The following STX8 variants were observed in gnomAD, a reference collection of about 807,000 sequenced individuals.
STX8 encodes syntaxin-8.
STX8 carries 23 observed loss-of-function variants against 37.5 expected under a neutral mutation model. That is an observed-to-expected ratio of 0.61 (90% CI 0.44 to 0.87). STX8 has a LOEUF of 0.87. Ranked by LOEUF, STX8 falls within the 40% of genes least tolerant of loss-of-function variation. The pLI is 0.00. For missense variants in STX8, 313 were observed against 284.7 expected (o/e 1.10, Z -0.71); for synonymous variants, 115 against 99.1 (o/e 1.16, Z -0.95).
chr17:9,388,589 A>C (rs1366932832), intron 6 of STX8, among the ~76,000 whole-genome samples: 1 of 151,404 alleles, frequency 6.6e-6, no homozygotes, highest in Admixed American at 6.6e-5. Context: ...GGATCACCTG[A>C]GGTCGGGAGT....
chr17:9,463,344 T>G (rs968975913), intron 6 of STX8, among the ~76,000 whole-genome samples: 1 of 152,220 alleles, frequency 6.6e-6, no homozygotes, highest in Non-Finnish European at 1.5e-5. Flanking sequence ...CAATACACAG[T>G]AACAATTATG....
chr17:9,328,907 G>A (rs576605326), intron 7 of STX8, among the ~76,000 whole-genome samples: 6 of 151,876 alleles, frequency 4.0e-5, no homozygotes, highest in South Asian at 2.1e-4. Flanking sequence ...AAAATTAGCC[G>A]GCTGTGGTGA....
intron 4 of STX8, among the ~76,000 whole-genome samples, chr17:9,544,088 G>A (rs764883663): frequency 6.6e-6 from 1 of 152,116 alleles, no homozygotes; most frequent in Non-Finnish European, 1.5e-5. Flanking sequence ...GACAATGCAC[G>A]GCTAGGGTCC....
At chr17:9,429,690 A>C (rs1409509925) in intron 6 of STX8, among the ~76,000 whole-genome samples, 6 of 118,672 alleles carry the variant, frequency 5.1e-5, no homozygotes, top group Admixed American at 2.4e-4. Context: ...GCGACAGTGC[A>C]AGACTCCATC....
chr17:9,492,519 G>A (rs1019775448), intron 5 of STX8, among the ~76,000 whole-genome samples: 2 of 152,158 alleles, frequency 1.3e-5, no homozygotes, highest in African/African-American at 4.8e-5. Context: ...TCTAAGTCTA[G>A]GAATGTATGT....
intron 7 of STX8, among the ~76,000 whole-genome samples, chr17:9,270,806 C>T (rs1304210390): frequency 6.6e-6 from 1 of 152,136 alleles, no homozygotes. Flanking sequence ...ATATATTCTC[C>T]ATTAGTGATA....
chr17:9,486,923 G>A (rs764967336), intron 6 of STX8, among the ~76,000 whole-genome samples: 2 of 152,096 alleles, frequency 1.3e-5, no homozygotes, highest in Non-Finnish European at 2.9e-5. Context: ...CCCACCCATA[G>A]AGGCCACCTG....
chr17:9,516,315 A>G (rs913729912), intron 4 of STX8, among the ~76,000 whole-genome samples: 5 of 96,866 alleles, frequency 5.2e-5, no homozygotes, highest in Non-Finnish European at 1.0e-4. Flanking sequence ...ATATATATAT[A>G]TATATATATA....
chr17:9,295,651 G>A (rs1028981679), intron 7 of STX8, among the ~76,000 whole-genome samples: 6 of 152,192 alleles, frequency 3.9e-5, no homozygotes, highest in African/African-American at 1.4e-4. Context: ...GCTGAGGCAG[G>A]AGAATCACTT....
At chr17:9,254,741 C>T (rs1264868782) in intron 7 of STX8, among the ~76,000 whole-genome samples, 6 of 151,658 alleles carry the variant, frequency 4.0e-5, no homozygotes, top group Non-Finnish European at 5.9e-5. Context: ...CTCTCCTGGA[C>T]ACATGAACAT....
At chr17:9,393,506 A>ACGT in intron 6 of STX8, among the ~76,000 whole-genome samples, 1 of 152,332 alleles carries the variant, frequency 6.6e-6, no homozygotes, top group South Asian at 2.1e-4. Context: ...TCTTCAATGC[A>ACGT]CGTAAGTATA....
At chr17:9,295,755 A>G (rs1272246435) in intron 7 of STX8, among the ~76,000 whole-genome samples, 1 of 150,898 alleles carries the variant, frequency 6.6e-6, no homozygotes, top group Non-Finnish European at 1.5e-5. Context: ...TCCCCCCCAA[A>G]AAAAGGAGGC....
chr17:9,547,767 C>T (rs976328679), intron 3 of STX8, among the ~76,000 whole-genome samples: 2 of 128,726 alleles, frequency 1.6e-5, no homozygotes, highest in Admixed American at 1.5e-4. Context: ...ACATTCTTTC[C>T]TTTTCTTTTC....
intron 7 of STX8, among the ~76,000 whole-genome samples, chr17:9,285,105 G>A (rs373645105): frequency 3.3e-5 from 5 of 152,224 alleles, no homozygotes; most frequent in South Asian, 2.1e-4. Context: ...TTTTTAGTAA[G>A]AGCATCGTGT....
intron 6 of STX8, among the ~76,000 whole-genome samples, chr17:9,395,204 TATTC>T (rs1466115832): frequency 6.6e-6 from 1 of 152,184 alleles, no homozygotes; most frequent in Non-Finnish European, 1.5e-5. Context: ...CTAAAACAAA[TATTC>T]ATATAAAAAT....
intron 6 of STX8, among the ~76,000 whole-genome samples, chr17:9,451,380 G>A (rs1905035332): frequency 6.6e-6 from 1 of 151,998 alleles, no homozygotes; most frequent in Non-Finnish European, 1.5e-5. Context: ...ACTTACACAA[G>A]GCATCATCTC....
At chr17:9,408,687 GTTAAC>G in intron 6 of STX8, among the ~76,000 whole-genome samples, 2 of 152,300 alleles carry the variant, frequency 1.3e-5, no homozygotes, top group African/African-American at 2.4e-5. Flanking sequence ...GGAATGACAG[GTTAAC>G]TTTTTTCTTT....
intron 7 of STX8, among the ~76,000 whole-genome samples, chr17:9,258,935 G>A (rs1385111850): frequency 1.3e-5 from 2 of 152,208 alleles, no homozygotes; most frequent in South Asian, 4.1e-4. Flanking sequence ...CCCGTACACA[G>A]CCAGCTTGTC....
chr17:9,541,399 AG>A (rs1906271606), intron 4 of STX8, among the ~76,000 whole-genome samples: 1 of 152,180 alleles, frequency 6.6e-6, no homozygotes, highest in African/African-American at 2.4e-5. Context: ...GAGGGACAGA[AG>A]ATCTCCGAAG....
Sources: gnomAD v4.1 joint callset for allele counts (sites outside exome capture counted in the v4.1 genomes callset) on GRCh38, gnomAD v4.1.1 for gene constraint, MANE v1.5 for transcripts, NCBI Gene and HGNC (gene_info 2026-07-23, HGNC 2026-07-21) for gene names.